The following BNC2 variants were observed in gnomAD, a reference collection of about 807,000 sequenced individuals.
The protein encoded by BNC2 is basonuclin zinc finger protein 2.
A neutral mutation model predicts 76.3 loss-of-function variants in BNC2; 20 were observed. That is an observed-to-expected ratio of 0.26 (90% CI 0.18 to 0.38). The LOEUF is 0.38. Ranked by LOEUF, BNC2 falls within the 10% of genes least tolerant of loss-of-function variation. The pLI, the probability that BNC2 is intolerant of heterozygous loss-of-function variation, is 1.00. For missense variants in BNC2, 1,382 were observed against 1,399.8 expected (o/e 0.99, Z 0.20); for synonymous variants, 582 against 514.8 (o/e 1.13, Z -1.77).
At chr9:16,736,392 T>C (rs181163296) in intron 2 of BNC2, among the ~76,000 whole-genome samples, 4 of 151,430 alleles carry the variant, frequency 2.6e-5, no homozygotes, top group Admixed American at 2.6e-4. Context: ...ACTTAAAAAA[T>C]AAAATCCCAG....
intron 3 of BNC2, among the ~76,000 whole-genome samples, chr9:16,605,279 A>G (rs1189732031): frequency 6.6e-6 from 1 of 152,272 alleles, no homozygotes; most frequent in Non-Finnish European, 1.5e-5. Context: ...AGTTAAGTTT[A>G]AAAATACTGG....
rs1183123629 is a variant in BNC2 at position 16,458,440 on chromosome 9, T to C, written c.670-20916A>G. ...ATTAACAAATATCTTGGTTTTGATTTTGTATTCAAATAGGGTAGAAAATCT... is the reference window on the plus strand; with the variant it reads ...ATTAACAAATATCTTGGTTTTGATTCTGTATTCAAATAGGGTAGAAAATCT... On this transcript the variant is annotated intron_variant, in intron 5 of 6. Coordinates refer to ENST00000380672, the MANE Select transcript of BNC2 (RefSeq NM_017637.6). Among the ~76,000 whole-genome samples, 4 of 152,350 alleles carry C rather than the reference T, an allele frequency of 2.6e-5. No homozygotes were observed. The East Asian group carries it at 7.7e-4, about 29-fold the overall frequency.
chr9:16,640,104 T>C (rs760170565), intron 3 of BNC2, among the ~76,000 whole-genome samples: 3 of 148,492 alleles, frequency 2.0e-5, no homozygotes, highest in East Asian at 1.9e-4. Flanking sequence ...AAAAAAAAAA[T>C]AGAGACTAGC....
Position 16,728,136 on chromosome 9 carries a change from G to A in BNC2, c.130-139C>T, listed in dbSNP as rs1167074338. ...GAGGGAGGGGGTCAGAGCTTCTTTC[G>A]CACCTTCTGCACAGATATCCCTATC... On this transcript the variant is annotated intron_variant, in intron 2 of 6. Transcript: ENST00000380672. 6 of 772,806 alleles carry A rather than the reference G, an allele frequency of 7.8e-6. No individual in the cohort carries two copies. The Admixed American group carries it at 1.1e-4, about 14-fold the overall frequency. 47.9% of individuals were successfully genotyped at this position (772,806 alleles called of 1,614,324 possible). A position where few individuals can be genotyped will look rare whatever the true frequency, so the allele number is the denominator to read the frequency against.
chr9:16,551,605 A>C (rs1818664961), intron 5 of BNC2, among the ~76,000 whole-genome samples: 1 of 152,224 alleles, frequency 6.6e-6, no homozygotes, highest in African/African-American at 2.4e-5. Context: ...TTCAGATTCT[A>C]CCTTCTCAAA....
At position 16,410,258 on chromosome 9, in the gene BNC2, A is replaced by C. The variant is rs2118878204; in HGVS notation, c.*8731T>G. 1 of 152,438 alleles carries C rather than the reference A, an allele frequency of 6.6e-6. No homozygotes were observed. The highest frequency in any genetic ancestry group is 1.9e-4 in the East Asian group (1 of 5,178). 9.4% of individuals were successfully genotyped at this position (152,438 alleles called of 1,614,324 possible). A position where few individuals can be genotyped will look rare whatever the true frequency, so the allele number is the denominator to read the frequency against. ...AAAGCAGCAAGGACTTCATGGAAGA[A>C]GCCAGGCAAGGTGTGAGGGGAGAGG... is the stretch of plus-strand genomic sequence containing the variant. On this transcript the variant is annotated 3_prime_UTR_variant, in exon 7 of 7. Coordinates refer to ENST00000380672, the MANE Select transcript of BNC2 (RefSeq NM_017637.6).
At chr9:16,779,422 C>G (rs1036987879) in intron 1 of BNC2, among the ~76,000 whole-genome samples, 15 of 151,986 alleles carry the variant, frequency 9.9e-5, no homozygotes, top group African/African-American at 3.6e-4. Context: ...GTGCTATTAT[C>G]TTAAACCCAA....
At chr9:16,515,511 T>A (rs1362220122) in intron 5 of BNC2, among the ~76,000 whole-genome samples, 1 of 152,126 alleles carries the variant, frequency 6.6e-6, no homozygotes, top group Non-Finnish European at 1.5e-5. Flanking sequence ...CCCCTCTGGC[T>A]GTCTGTTTAG....
chr9:16,797,938 C>T (rs1020815295), intron 1 of BNC2, among the ~76,000 whole-genome samples: 2 of 152,096 alleles, frequency 1.3e-5, no homozygotes, highest in Non-Finnish European at 2.9e-5. Flanking sequence ...TTCTGATTTT[C>T]ATCTGGCTCT....
intron 3 of BNC2, among the ~76,000 whole-genome samples, chr9:16,607,320 G>C (rs932900358): frequency 1.3e-5 from 2 of 152,060 alleles, no homozygotes; most frequent in East Asian, 1.9e-4. Flanking sequence ...AGACAACAAG[G>C]AGAGACGGAG....
intron 5 of BNC2, among the ~76,000 whole-genome samples, chr9:16,501,033 T>C (rs1005533646): frequency 3.9e-5 from 6 of 152,204 alleles, no homozygotes; most frequent in African/African-American, 1.4e-4. Flanking sequence ...CTGCCACTTA[T>C]AACTATATGA....
intron 4 of BNC2, among the ~76,000 whole-genome samples, chr9:16,578,033 A>T (rs941387207): frequency 1.3e-5 from 2 of 151,218 alleles, no homozygotes; most frequent in African/African-American, 2.4e-5. Context: ...CAGTGGAATT[A>T]AAAAAAAATT....
At chr9:16,453,050 G>C (rs1220673075) in intron 5 of BNC2, among the ~76,000 whole-genome samples, 1 of 152,068 alleles carries the variant, frequency 6.6e-6, no homozygotes, top group Non-Finnish European at 1.5e-5. Flanking sequence ...TCTGTGCCTT[G>C]GTCTCCTCAC....
intron 1 of BNC2, among the ~76,000 whole-genome samples, chr9:16,809,902 A>C (rs1334901198): frequency 2.0e-5 from 3 of 152,218 alleles, no homozygotes; most frequent in Non-Finnish European, 2.9e-5. Context: ...TGTATTATTT[A>C]AATTGTATAA....
chr9:16,697,076 G>C (rs904105435), intron 3 of BNC2, among the ~76,000 whole-genome samples: 1 of 152,168 alleles, frequency 6.6e-6, no homozygotes, highest in African/African-American at 2.4e-5. Context: ...AAATTAAAGA[G>C]TGTGCCGTGC....
At chr9:16,811,757 A>G (rs1458937853) in intron 1 of BNC2, among the ~76,000 whole-genome samples, 1 of 152,116 alleles carries the variant, frequency 6.6e-6, no homozygotes, top group African/African-American at 2.4e-5. Context: ...CCAAGACAAC[A>G]CTAGTGTTGA....
At chr9:16,582,173 T>C (rs1819645322) in intron 4 of BNC2, among the ~76,000 whole-genome samples, 1 of 152,096 alleles carries the variant, frequency 6.6e-6, no homozygotes. Context: ...TTTCTTTTTA[T>C]AAACATTACC....
chr9:16,514,529 G>T (rs1377598603), intron 5 of BNC2, among the ~76,000 whole-genome samples: 1 of 152,132 alleles, frequency 6.6e-6, no homozygotes, highest in East Asian at 1.9e-4. Flanking sequence ...TGGTAATAAA[G>T]GAGAGGTTCT....
intron 1 of BNC2, among the ~76,000 whole-genome samples, chr9:16,802,149 C>T (rs980475344): frequency 2.6e-5 from 4 of 152,164 alleles, no homozygotes; most frequent in Non-Finnish European, 2.9e-5. Context: ...CAAGGATACG[C>T]GGCATTGGGG....
Sources: gnomAD v4.1 joint callset for allele counts (sites outside exome capture counted in the v4.1 genomes callset) on GRCh38, gnomAD v4.1.1 for gene constraint, MANE v1.5 for transcripts, NCBI Gene and HGNC (gene_info 2026-07-23, HGNC 2026-07-21) for gene names.